Variants in HEMK2 observed in about 807,000 individuals in gnomAD.
HEMK2 encodes the protein methyltransferase HEMK2.
the HEMK2 span, among the ~76,000 whole-genome samples, chr21:28,699,970 T>G: frequency 2.0e-4 from 31 of 152,302 alleles, no homozygotes; most frequent in African/African-American, 7.5e-4. Flanking sequence ...TTTAATAAAT[T>G]TATACCAATT....
At chr21:28,784,328 C>CCCTG in the HEMK2 span, among the ~76,000 whole-genome samples, 1 of 152,188 alleles carries the variant, frequency 6.6e-6, no homozygotes, top group South Asian at 2.1e-4. Context: ...CCAATCAGCA[C>CCCTG]CCTGTGTCCA....
the HEMK2 span, among the ~76,000 whole-genome samples, chr21:28,643,000 G>A: frequency 8.5e-5 from 13 of 152,248 alleles, no homozygotes; most frequent in Admixed American, 2.0e-4. Flanking sequence ...GGGTTTAGCC[G>A]GGAACCCAGC....
chr21:28,715,478 T>A, the HEMK2 span, among the ~76,000 whole-genome samples: 1 of 152,210 alleles, frequency 6.6e-6, no homozygotes, highest in Non-Finnish European at 1.5e-5. Context: ...TTTGCCCACT[T>A]TTTAATAGGG....
the HEMK2 span, among the ~76,000 whole-genome samples, chr21:28,880,442 A>G: frequency 4.3e-4 from 65 of 152,292 alleles, no homozygotes; most frequent in Middle Eastern, 3.4e-3. Context: ...ACATTAAAGA[A>G]ATTTTTAGGC....
the HEMK2 span, among the ~76,000 whole-genome samples, chr21:28,680,736 G>C: frequency 1.3e-5 from 2 of 152,234 alleles, no homozygotes; most frequent in East Asian, 3.9e-4. Flanking sequence ...GGGATGCAAG[G>C]CTGGTTCAAC....
At chr21:28,832,036 T>C in the HEMK2 span, among the ~76,000 whole-genome samples, 1 of 152,222 alleles carries the variant, frequency 6.6e-6, no homozygotes, top group African/African-American at 2.4e-5. Flanking sequence ...GGAATGTATA[T>C]TTATGTAGCA....
the HEMK2 span, among the ~76,000 whole-genome samples, chr21:28,665,825 T>C: frequency 6.6e-6 from 1 of 152,174 alleles, no homozygotes; most frequent in African/African-American, 2.4e-5. Context: ...AGCAAAGACT[T>C]GGAACCAACC....
the HEMK2 span, among the ~76,000 whole-genome samples, chr21:28,693,617 T>C: frequency 6.6e-6 from 1 of 152,224 alleles, no homozygotes; most frequent in Admixed American, 6.5e-5. Flanking sequence ...CCTGCCAAAA[T>C]GAAGTACATT....
the HEMK2 span, among the ~76,000 whole-genome samples, chr21:28,738,097 T>A: frequency 1.3e-5 from 2 of 152,196 alleles, no homozygotes; most frequent in African/African-American, 4.8e-5. Context: ...TAGCAACAAT[T>A]TGCCGACACA....
At chr21:28,810,094 C>T in the HEMK2 span, among the ~76,000 whole-genome samples, 1 of 152,178 alleles carries the variant, frequency 6.6e-6, no homozygotes, top group Non-Finnish European at 1.5e-5. Flanking sequence ...TGCTAATACA[C>T]TGCTCTACCA....
the HEMK2 span, among the ~76,000 whole-genome samples, chr21:28,884,989 G>A: frequency 6.6e-6 from 1 of 152,288 alleles, no homozygotes; most frequent in East Asian, 1.9e-4. Context: ...GGGAGCTCAT[G>A]AGACAGAGCA....
chr21:28,788,302 ACAT>A, the HEMK2 span, among the ~76,000 whole-genome samples: 1,726 of 147,524 alleles, frequency 0.012, 55 homozygotes, highest in Admixed American at 0.054. Context: ...ACACACACAC[ACAT>A]ATATATGTGT....
chr21:28,603,594 T>TGTGTGTGTGTGTGTG, the HEMK2 span, among the ~76,000 whole-genome samples: 7 of 143,532 alleles, frequency 4.9e-5, no homozygotes, highest in African/African-American at 1.0e-4. Flanking sequence ...TGTGTGTGTG[T>TGTGTGTGTGTGTGTG]TTTAGGTTGC....
the HEMK2 span, among the ~76,000 whole-genome samples, chr21:28,642,393 G>A: frequency 2.7e-4 from 41 of 152,250 alleles, no homozygotes; most frequent in African/African-American, 9.4e-4. Context: ...TGTGGGAACC[G>A]GAGTGAACAA....
At chr21:28,749,759 C>T in the HEMK2 span, among the ~76,000 whole-genome samples, 8 of 152,276 alleles carry the variant, frequency 5.3e-5, no homozygotes, top group East Asian at 1.2e-3. Flanking sequence ...ACATGGCTCT[C>T]GGCCAATTTA....
At chr21:28,734,620 T>C in the HEMK2 span, among the ~76,000 whole-genome samples, 2 of 152,174 alleles carry the variant, frequency 1.3e-5, no homozygotes, top group East Asian at 3.9e-4. Context: ...GGAATAATCC[T>C]GATTGAACCC....
the HEMK2 span, among the ~76,000 whole-genome samples, chr21:28,766,305 A>AT: frequency 1.5e-3 from 216 of 148,474 alleles, no homozygotes; most frequent in African/African-American, 3.9e-3. Context: ...AAGTATAATG[A>AT]TTTTTTTTTT....
chr21:28,656,083 G>C, the HEMK2 span, among the ~76,000 whole-genome samples: 1 of 152,122 alleles, frequency 6.6e-6, no homozygotes. Flanking sequence ...AACATTATGA[G>C]AAAAATGAAT....
the HEMK2 span, among the ~76,000 whole-genome samples, chr21:28,614,207 T>C: frequency 1.3e-5 from 2 of 152,240 alleles, no homozygotes; most frequent in East Asian, 1.9e-4. Context: ...GAATTACATA[T>C]AGTTTACAAA....
Sources: allele counts gnomAD v4.1 joint callset (sites outside exome capture counted in the v4.1 genomes callset), GRCh38; gene constraint gnomAD v4.1.1; transcripts MANE v1.5; gene names NCBI Gene and HGNC (gene_info 2026-07-23, HGNC 2026-07-21).